TRPC5: variants seen among roughly 807,000 people sequenced by gnomAD.
TRPC5 encodes short transient receptor potential channel 5.
In TRPC5, 9 loss-of-function variants were observed where a neutral mutation model predicts 56.5. The ratio of observed to expected loss-of-function variants is 0.16; its 90% confidence interval spans 0.10 to 0.28. TRPC5 has a LOEUF of 0.28. Among genes scored for constraint, TRPC5 ranks in the 10% least tolerant of loss-of-function variants. The probability of loss-of-function intolerance (pLI) is 1.00; values close to 1 mark genes in which losing one functional copy is unlikely to be tolerated. For missense variants in TRPC5, 469 were observed against 748.9 expected, an observed-to-expected ratio of 0.63 and a Z score of 4.36; for synonymous variants, 282 against 278.5, an observed-to-expected ratio of 1.01 and a Z score of -0.13.
chrX:112,036,945 T>C (rs1190830178), intron 1 of TRPC5, among the ~76,000 whole-genome samples: 2 of 111,327 alleles, frequency 1.8e-5, no homozygotes, highest in African/African-American at 6.6e-5. Flanking sequence ...ATTTGACTGT[T>C]GCTGAGTAGT....
At chrX:111,905,719 C>T (rs1314211639) in intron 3 of TRPC5, among the ~76,000 whole-genome samples, 1 of 108,760 alleles carries the variant, frequency 9.2e-6, no homozygotes, top group East Asian at 3.0e-4. Context: ...TGGAGACCAT[C>T]CTGGCTAACA....
chrX:112,047,190 A>G (rs1031712062), intron 1 of TRPC5, among the ~76,000 whole-genome samples: 5 of 111,043 alleles, frequency 4.5e-5, no homozygotes, highest in African/African-American at 6.5e-5. Flanking sequence ...TTGTGCTTCA[A>G]TTGAGGTCTA....
At chrX:111,988,861 G>A (rs1306760721) in intron 1 of TRPC5, among the ~76,000 whole-genome samples, 5 of 111,210 alleles carry the variant, frequency 4.5e-5, no homozygotes, top group East Asian at 2.9e-4. Flanking sequence ...CCGGCATAGA[G>A]CAAAAGTAGC....
intron 1 of TRPC5, among the ~76,000 whole-genome samples, chrX:112,026,976 C>T (rs1364757512): frequency 9.1e-6 from 1 of 110,263 alleles, no homozygotes; most frequent in Non-Finnish European, 1.9e-5. Context: ...TCAAGGAGGA[C>T]AAGCTTCCAT....
intron 1 of TRPC5, among the ~76,000 whole-genome samples, chrX:112,076,247 A>G (rs745921032): frequency 9.2e-6 from 1 of 108,185 alleles, no homozygotes; most frequent in Non-Finnish European, 2.0e-5. Context: ...ACTGGGATCC[A>G]GAGGTGGTAG....
At chrX:111,921,869 A>G (rs1211388542) in intron 2 of TRPC5, among the ~76,000 whole-genome samples, 2 of 111,961 alleles carry the variant, frequency 1.8e-5, no homozygotes, top group Admixed American at 1.9e-4. Flanking sequence ...GATTCCTTGT[A>G]GAAAAGCTAG....
intron 1 of TRPC5, among the ~76,000 whole-genome samples, chrX:112,024,009 C>G (rs1332674542): frequency 9.0e-6 from 1 of 111,445 alleles, no homozygotes; most frequent in Non-Finnish European, 1.9e-5. Flanking sequence ...TTTATAGGAA[C>G]TCTGGTCTTG....
chrX:112,051,882 T>A (rs976747117), intron 1 of TRPC5, among the ~76,000 whole-genome samples: 9 of 112,228 alleles, frequency 8.0e-5, no homozygotes, highest in African/African-American at 2.9e-4. Flanking sequence ...AGAAGTTGGC[T>A]TTTTCCGAGC....
At chrX:112,042,162 G>A (rs185940130) in intron 1 of TRPC5, among the ~76,000 whole-genome samples, 3 of 111,677 alleles carry the variant, frequency 2.7e-5, no homozygotes, top group African/African-American at 9.8e-5. Context: ...GATATGACAA[G>A]TACATATCTT....
chrX:111,823,708 C>T (rs1281005391), intron 7 of TRPC5, among the ~76,000 whole-genome samples: 4 of 110,592 alleles, frequency 3.6e-5, no homozygotes, highest in Admixed American at 9.7e-5. Context: ...GGAAATAAGT[C>T]GCTTTGTGTC....
chrX:111,795,797 C>A (rs189965267), intron 7 of TRPC5, among the ~76,000 whole-genome samples: 73 of 111,589 alleles, frequency 6.5e-4, no homozygotes, highest in African/African-American at 2.0e-3. Context: ...TTCAAATATT[C>A]TTTCTTCCCA....
intron 6 of TRPC5, among the ~76,000 whole-genome samples, chrX:111,835,906 A>G (rs751225789): frequency 3.6e-5 from 4 of 112,246 alleles, no homozygotes; most frequent in African/African-American, 1.3e-4. Context: ...ACCAACTGTT[A>G]TTGAGGCTTT....
intron 1 of TRPC5, among the ~76,000 whole-genome samples, chrX:112,042,238 G>A (rs897238723): frequency 9.0e-6 from 1 of 111,490 alleles, no homozygotes; most frequent in Non-Finnish European, 1.9e-5. Flanking sequence ...TGAAATGACC[G>A]TGTTGCAATC....
intron 7 of TRPC5, among the ~76,000 whole-genome samples, chrX:111,795,143 C>T (rs996912907): frequency 1.3e-4 from 14 of 109,011 alleles, no homozygotes; most frequent in Non-Finnish European, 2.7e-4. Context: ...GATTTTTTTT[C>T]TTATTTCACT....
At chrX:112,067,533 C>G (rs1483779459) in intron 1 of TRPC5, among the ~76,000 whole-genome samples, 1 of 111,822 alleles carries the variant, frequency 8.9e-6, no homozygotes, top group Non-Finnish European at 1.9e-5. Context: ...AGAGGTCATC[C>G]TAATTGTCTC....
rs1030071437 is a variant in TRPC5, at chrX:111,776,072, C to T, written c.*241G>A. Reference sequence around the variant, plus strand: ...CCTCTGATGATTAGGTGCAACACCCCTTCAGTCGGTTGTAAGATGGACTTA... The same window carrying T: ...CCTCTGATGATTAGGTGCAACACCCTTTCAGTCGGTTGTAAGATGGACTTA... On this transcript the variant is annotated 3_prime_UTR_variant, in exon 11 of 11. Transcript: ENST00000262839. 1.7e-5 allele frequency: 5 copies of T among 295,296 alleles called. No individual in the cohort carries two copies. The highest frequency in any genetic ancestry group is 2.9e-5 in the Non-Finnish European group (5 of 169,912). 24.3% of individuals were successfully genotyped at this position (295,296 alleles called of 1,213,427 possible). A position where few individuals can be genotyped will look rare whatever the true frequency, so the allele number is the denominator to read the frequency against.
intron 2 of TRPC5, among the ~76,000 whole-genome samples, chrX:111,946,397 T>A (rs1160264465): frequency 8.9e-6 from 1 of 111,895 alleles, no homozygotes; most frequent in Non-Finnish European, 1.9e-5. Flanking sequence ...TGCACCTTAG[T>A]GTAAGTTTGC....
chrX:111,816,162 G>C (rs1291407570), intron 7 of TRPC5, among the ~76,000 whole-genome samples: 1 of 111,664 alleles, frequency 9.0e-6, no homozygotes, highest in Admixed American at 9.5e-5. Context: ...GCCTTGCATG[G>C]GTAACAATAA....
chrX:111,888,691 CT>C (rs1230085956), intron 3 of TRPC5, among the ~76,000 whole-genome samples: 1 of 40,158 alleles, frequency 2.5e-5, no homozygotes, highest in Non-Finnish European at 3.5e-5. Flanking sequence ...GAGACTCTAT[CT>C]CAAAAAAAAA....
Sources: gnomAD v4.1 joint callset for allele counts (sites outside exome capture counted in the v4.1 genomes callset) on GRCh38, gnomAD v4.1.1 for gene constraint, MANE v1.5 for transcripts, NCBI Gene and HGNC (gene_info 2026-07-23, HGNC 2026-07-21) for gene names.